The following IGSF5 variants were observed in gnomAD, a reference collection of about 807,000 sequenced individuals.
IGSF5 encodes the protein immunoglobulin superfamily 5 like.
IGSF5 carries 41 observed loss-of-function variants against 39.4 expected under a neutral mutation model. The observed-to-expected ratio is 1.04, with a 90% CI of 0.81 to 1.35. The LOEUF (loss-of-function observed/expected upper bound fraction) is 1.35, where lower values mean the gene tolerates loss of function less well. IGSF5 is among the 40% of genes most tolerant of loss of function. The pLI, the probability that IGSF5 is intolerant of heterozygous loss-of-function variation, is 0.00. For missense variants in IGSF5, 487 were observed against 494.6 expected, an observed-to-expected ratio of 0.98 and a Z score of 0.15; for synonymous variants, 183 against 175.3, an observed-to-expected ratio of 1.04 and a Z score of -0.34.
the IGSF5 span, among the ~76,000 whole-genome samples, chr21:39,723,235 G>A: frequency 6.6e-6 from 1 of 152,176 alleles, no homozygotes. Context: ...CTATTGGCAA[G>A]CCTTTATTTC....
At chr21:39,792,890 C>T (rs1285071836) in intron 7 of IGSF5, among the ~76,000 whole-genome samples, 1 of 152,196 alleles carries the variant, frequency 6.6e-6, no homozygotes, top group African/African-American at 2.4e-5. Context: ...GACACCTGCC[C>T]TCACAGGCTG....
the IGSF5 span, among the ~76,000 whole-genome samples, chr21:39,739,220 G>A: frequency 6.6e-6 from 1 of 151,592 alleles, no homozygotes; most frequent in Non-Finnish European, 1.5e-5. Context: ...ATGAGCCATT[G>A]AGTCCCGCCC....
At chr21:39,750,354 G>A (rs1485388434) in intron 2 of IGSF5, among the ~76,000 whole-genome samples, 1 of 152,040 alleles carries the variant, frequency 6.6e-6, no homozygotes, top group Non-Finnish European at 1.5e-5. Context: ...TAAAAAAGCA[G>A]ACCTTTCACT....
chr21:39,715,890 TG>T, the IGSF5 span, among the ~76,000 whole-genome samples: 4 of 151,890 alleles, frequency 2.6e-5, no homozygotes, highest in South Asian at 4.2e-4. Context: ...TGTGGGTGTG[TG>T]TGGGGGGGTG....
intron 5 of IGSF5, among the ~76,000 whole-genome samples, chr21:39,783,210 A>G (rs1014036018): frequency 1.3e-5 from 2 of 152,112 alleles, no homozygotes; most frequent in African/African-American, 4.8e-5. Context: ...TCTTTGACAT[A>G]CTGATTTCAA....
At chr21:39,723,414 C>T in the IGSF5 span, among the ~76,000 whole-genome samples, 1,323 of 152,306 alleles carry the variant, frequency 8.7e-3, 21 homozygotes, top group African/African-American at 0.03. Flanking sequence ...ATGGAAGCTG[C>T]AATCCCATGG....
intron 4 of IGSF5, among the ~76,000 whole-genome samples, chr21:39,774,486 T>C (rs2080129826): frequency 6.6e-6 from 1 of 152,260 alleles, no homozygotes; most frequent in Non-Finnish European, 1.5e-5. Flanking sequence ...AAGTACTTCC[T>C]GGTTTATAGT....
At chr21:39,758,718 T>C (rs4816655) in intron 2 of IGSF5, among the ~76,000 whole-genome samples, 124,182 of 152,096 alleles carry the variant, frequency 0.82, 50,868 homozygotes, top group Admixed American at 0.86. Context: ...ATAGTCTATA[T>C]ACTATACATA....
chr21:39,789,688 G>T (rs1274940728), intron 6 of IGSF5, among the ~76,000 whole-genome samples: 1 of 152,022 alleles, frequency 6.6e-6, no homozygotes, highest in African/African-American at 2.4e-5. Flanking sequence ...ATAGGCACAA[G>T]AAATAGTTTA....
At chr21:39,771,562 CT>C (rs1178368036) in intron 4 of IGSF5, among the ~76,000 whole-genome samples, 3 of 152,212 alleles carry the variant, frequency 2.0e-5, no homozygotes, top group Non-Finnish European at 4.4e-5. Flanking sequence ...ATCCCACCCC[CT>C]GAGCCAGTAT....
At chr21:39,798,025 G>T (rs1396853715) in intron 8 of IGSF5, among the ~76,000 whole-genome samples, 1 of 152,108 alleles carries the variant, frequency 6.6e-6, no homozygotes, top group Non-Finnish European at 1.5e-5. Flanking sequence ...ATGCCCCCAG[G>T]ACGGGGAAAT....
the IGSF5 span, among the ~76,000 whole-genome samples, chr21:39,716,353 A>G: frequency 1.3e-5 from 2 of 152,022 alleles, no homozygotes; most frequent in Admixed American, 1.3e-4. Context: ...TTTTTAAAAA[A>G]ATTTATTTTA....
In IGSF5 at chr21:39,745,426, C is replaced by A. The variant is rs543826001; in HGVS notation, c.-84C>A. 127 of 693,646 alleles carry A rather than the reference C, an allele frequency of 1.8e-4. 1 individual carries two copies. In the South Asian group the frequency reaches 1.9e-3, roughly 10 times the overall value. The allele number at this position is 693,646 out of a possible 1,614,324, so 43.0% of individuals were successfully genotyped here. ...GTCTGAACCATTAGTACCTAGGAGG[C>A]AGGGATCAGAGGAAGTAGATTCAGA... On this transcript the variant is annotated 5_prime_UTR_variant, in exon 1 of 9. Transcript: ENST00000380588.
At chr21:39,752,606 T>G (rs2080011142) in intron 2 of IGSF5, among the ~76,000 whole-genome samples, 2 of 152,230 alleles carry the variant, frequency 1.3e-5, no homozygotes, top group Non-Finnish European at 2.9e-5. Flanking sequence ...TTCATAGTGG[T>G]TGTATAATTT....
At chr21:39,797,573 G>A (rs183531237) in intron 8 of IGSF5, among the ~76,000 whole-genome samples, 160 of 152,212 alleles carry the variant, frequency 1.1e-3, no homozygotes, top group African/African-American at 3.8e-3. Context: ...CTGGATTGCA[G>A]TGGCACGATC....
chr21:39,799,744 G>T (rs1284566450), intron 8 of IGSF5, among the ~76,000 whole-genome samples: 1 of 152,038 alleles, frequency 6.6e-6, no homozygotes, highest in Non-Finnish European at 1.5e-5. Context: ...CTGTCCACCT[G>T]GCATCCTACC....
chr21:39,801,094 T>C lies in IGSF5; in HGVS notation c.1129-168T>C, dbSNP rs535195358. On this transcript the variant is annotated intron_variant, in intron 8 of 8. Transcript: ENST00000380588. ...GGCCTGAACTTGGAAAACTTCTATA[T>C]TGTGTGTTACCAGAAATAATGCAAG... 9.2e-5 allele frequency among the ~76,000 whole-genome samples: 14 copies of C among 152,384 alleles called. No homozygotes were observed. The East Asian group carries it at 2.7e-3, about 29-fold the overall frequency.
Position 39,788,593 on chromosome 21 carries a change from G to A in IGSF5, c.956+405G>A, listed in dbSNP as rs1261556500. Among the ~76,000 whole-genome samples the A allele has an allele frequency of 3.9e-5, 6 of 152,350 alleles. No individual in the cohort carries two copies. In the East Asian group the frequency reaches 7.7e-4, roughly 20 times the overall value. ...ATAGTGGAGAGCAGTGAGCCAAGCCGGATGCCTGCAAGTCACGTGAAACTG... is the reference window on the plus strand; with the variant it reads ...ATAGTGGAGAGCAGTGAGCCAAGCCAGATGCCTGCAAGTCACGTGAAACTG... On this transcript the variant is annotated intron_variant, in intron 6 of 8. Coordinates refer to ENST00000380588, the MANE Select transcript of IGSF5 (RefSeq NM_001080444.2).
chr21:39,744,604 G>A (rs1044940805), upstream of IGSF5, among the ~76,000 whole-genome samples: 9 of 152,164 alleles, frequency 5.9e-5, no homozygotes, highest in Non-Finnish European at 1.2e-4. Context: ...TCGGACCTTT[G>A]TATGGTAATT....
Sources: gnomAD v4.1 joint callset for allele counts (sites outside exome capture counted in the v4.1 genomes callset) on GRCh38, gnomAD v4.1.1 for gene constraint, MANE v1.5 for transcripts, NCBI Gene and HGNC (gene_info 2026-07-23, HGNC 2026-07-21) for gene names.